Variants in ADAM19 observed in about 807,000 individuals in gnomAD.
ADAM19 encodes the protein disintegrin and metalloproteinase domain-containing protein 19.
A neutral mutation model predicts 114.7 loss-of-function variants in ADAM19; 65 were observed. That is an observed-to-expected ratio of 0.57 (90% CI 0.46 to 0.70). The LOEUF is 0.70. Among genes scored for constraint, ADAM19 ranks in the 30% least tolerant of loss-of-function variants. The pLI, the probability that ADAM19 is intolerant of heterozygous loss-of-function variation, is 0.00. For missense variants in ADAM19, 1,063 were observed against 1,204.7 expected (o/e 0.88, Z 1.74); for synonymous variants, 466 against 460.5 (o/e 1.01, Z -0.15).
At chr5:157,565,114 AC>A (rs1757621683) in intron 2 of ADAM19, among the ~76,000 whole-genome samples, 1 of 152,230 alleles carries the variant, frequency 6.6e-6, no homozygotes, top group South Asian at 2.1e-4. Context: ...TACATTTTAC[AC>A]ATAAGCAGTT....
At chr5:157,561,414 G>C (rs1343034444) in intron 3 of ADAM19, among the ~76,000 whole-genome samples, 1 of 152,186 alleles carries the variant, frequency 6.6e-6, no homozygotes, top group African/African-American at 2.4e-5. Context: ...TTTGATGGGA[G>C]AAGGCCAGAC....
At chr5:157,574,900 C>A (rs1019705735) in intron 1 of ADAM19, among the ~76,000 whole-genome samples, 1 of 152,208 alleles carries the variant, frequency 6.6e-6, no homozygotes, top group Non-Finnish European at 1.5e-5. Context: ...GGAAAGAGAG[C>A]CCTGGTTTCC....
At chr5:157,533,797 G>A in intron 4 of ADAM19, among the ~76,000 whole-genome samples, 1 of 151,990 alleles carries the variant, frequency 6.6e-6, no homozygotes, top group African/African-American at 2.4e-5. Flanking sequence ...GTGAAACCCT[G>A]TCTTTACTAA....
intron 5 of ADAM19, among the ~76,000 whole-genome samples, chr5:157,529,220 G>A (rs116385746): frequency 1.9e-3 from 282 of 151,908 alleles, no homozygotes; most frequent in African/African-American, 6.6e-3. Context: ...GTAGCTCACT[G>A]TCTATCACTG....
intron 21 of ADAM19, among the ~76,000 whole-genome samples, chr5:157,487,740 T>A (rs1754991093): frequency 6.6e-6 from 1 of 152,164 alleles, no homozygotes; most frequent in Non-Finnish European, 1.5e-5. Context: ...TCAGGATACA[T>A]CCCTAAGACT....
At chr5:157,540,375 C>A (rs1756884824) in intron 3 of ADAM19, among the ~76,000 whole-genome samples, 1 of 152,174 alleles carries the variant, frequency 6.6e-6, no homozygotes, top group Non-Finnish European at 1.5e-5. Context: ...ATAGTTCATT[C>A]CAGGTGCCAG....
chr5:157,569,327 C>T (rs2113799720), intron 2 of ADAM19, among the ~76,000 whole-genome samples: 1 of 149,706 alleles, frequency 6.7e-6, no homozygotes, highest in East Asian at 1.9e-4. Context: ...TTACTATAAC[C>T]TCAAACTCCT....
chr5:157,481,534 T>C, intron 22 of ADAM19: 1 of 1,357,140 alleles, frequency 7.4e-7, no homozygotes, highest in Non-Finnish European at 9.9e-7. Flanking sequence ...TTGCTCAGGG[T>C]CCCTCCCCAG....
rs781368227 is a variant in ADAM19, at chr5:157,499,554, G to A, written c.1398+19C>T. The A allele has an allele frequency of 2.5e-6, 4 of 1,606,304 alleles. No homozygotes were observed. The highest frequency in any genetic ancestry group is 2.2e-5 in the East Asian group (1 of 44,800). On this transcript the variant is annotated intron_variant, in intron 13 of 22. Coordinates refer to ENST00000257527, the MANE Select transcript of ADAM19 (RefSeq NM_033274.5). Reference sequence around the variant, plus strand: ...ACTGTCAGGCCAGGGCCCAAGGCGTGGAGAAAAGGGCCACTTACCTTACAC... The same window carrying A: ...ACTGTCAGGCCAGGGCCCAAGGCGTAGAGAAAAGGGCCACTTACCTTACAC...
Position 157,502,839 on chromosome 5 carries a change from C to T in ADAM19, c.1272G>A (p.Leu424=). 1 of 1,614,216 alleles carries T rather than the reference C, an allele frequency of 6.2e-7. No individual in the cohort carries two copies. The highest frequency in any genetic ancestry group is 8.5e-7 in the Non-Finnish European group (1 of 1,180,036). The change falls in exon 12 of 23, where the codon CTG becomes CTA. Residue 424 remains leucine, a synonymous_variant. Transcript: ENST00000257527. The stretch of plus-strand genomic sequence containing the variant: ...CACAGTCACACTCTTCCCCATCTTC[C>T]AGATACCCGTTCCCACACCTCCGGC... ...YGGRRCGNGY[L]EDGEECDCGE... is the part of the protein sequence containing the mutation.
Position 157,479,275 on chromosome 5 carries a change from G to C in ADAM19, c.*1674C>G, listed in dbSNP as rs935704492. 2.0e-6 allele frequency: 2 copies of C among 985,764 alleles called. No individual in the cohort carries two copies. Among genetic ancestry groups the C allele is most frequent in the African/African-American group, 3.5e-5 (2 of 57,216 alleles). 61.1% of individuals were successfully genotyped at this position (985,764 alleles called of 1,614,324 possible). On this transcript the variant is annotated 3_prime_UTR_variant, in exon 23 of 23. Transcript: ENST00000257527. ...ATTTTCCACTTATTTCCAAACCCAA[G>C]AACATCCAAGAAGCACCTATTGTGT... is the stretch of plus-strand genomic sequence containing the variant.
chr5:157,550,033 C>A (rs1013819717), intron 3 of ADAM19, among the ~76,000 whole-genome samples: 1 of 152,168 alleles, frequency 6.6e-6, no homozygotes, highest in Non-Finnish European at 1.5e-5. Context: ...CATGAAACAT[C>A]CAGAATAAGT....
At chr5:157,511,443 A>G (rs777392092) in intron 8 of ADAM19, among the ~76,000 whole-genome samples, 6 of 152,228 alleles carry the variant, frequency 3.9e-5, no homozygotes, top group Non-Finnish European at 8.8e-5. Flanking sequence ...TTACTACTTC[A>G]GTGCTGCAGT....
At chr5:157,537,213 C>A (rs901418521) in intron 4 of ADAM19, among the ~76,000 whole-genome samples, 1 of 152,190 alleles carries the variant, frequency 6.6e-6, no homozygotes, top group East Asian at 1.9e-4. Flanking sequence ...ACGTTCTGAG[C>A]CTACAAATTC....
chr5:157,517,773 C>G (rs1294349895), intron 7 of ADAM19, among the ~76,000 whole-genome samples: 1 of 152,114 alleles, frequency 6.6e-6, no homozygotes, highest in East Asian at 1.9e-4. Flanking sequence ...ACATGATGAG[C>G]CAGGTGAGGG....
intron 12 of ADAM19, among the ~76,000 whole-genome samples, chr5:157,501,262 C>T (rs73814807): frequency 0.088 from 13,391 of 152,134 alleles, 920 homozygotes; most frequent in African/African-American, 0.18. Flanking sequence ...TTCCCTCCTG[C>T]GTGCCTCACT....
chr5:157,480,861 C>T lies in ADAM19; in HGVS notation c.*88G>A. ...GAGGGTGGGAGGAGCTCAGAGGCGG[C>T]CAGACATGCTTCTTCAGGGTTCCAT... is the stretch of plus-strand genomic sequence containing the variant. On this transcript the variant is annotated 3_prime_UTR_variant, in exon 23 of 23. Transcript: ENST00000257527. The T allele has an allele frequency of 6.3e-7, 1 of 1,597,432 alleles. No homozygotes were observed. The highest frequency in any genetic ancestry group is 1.1e-5 in the South Asian group (1 of 88,638).
rs906246950 is a variant in ADAM19, at chr5:157,494,634, G to A, written c.1703+53C>T. ...TGAGTTGGGCAACAGTGAGGACAGA[G>A]CAGAAACTGCTTGTTCATCCTCATT... On this transcript the variant is annotated intron_variant, in intron 15 of 22. Transcript: ENST00000257527. 8 of 1,496,276 alleles carry A rather than the reference G, an allele frequency of 5.3e-6. No individual in the cohort carries two copies. In the South Asian group the frequency reaches 5.7e-5, roughly 11 times the overall value. The allele number at this position is 1,496,276 out of a possible 1,614,324, so 92.7% of individuals were successfully genotyped here.
chr5:157,523,088 T>C (rs1411435672), intron 5 of ADAM19, among the ~76,000 whole-genome samples: 1 of 152,070 alleles, frequency 6.6e-6, no homozygotes, highest in Non-Finnish European at 1.5e-5. Context: ...CTCAGAGACA[T>C]TAAATAACAA....
Sources: gnomAD v4.1 joint callset for allele counts (sites outside exome capture counted in the v4.1 genomes callset) on GRCh38, gnomAD v4.1.1 for gene constraint, MANE v1.5 for transcripts, NCBI Gene and HGNC (gene_info 2026-07-23, HGNC 2026-07-21) for gene names.